Variants in GKAP1 observed in about 807,000 individuals in gnomAD.
GKAP1 encodes the protein G kinase anchoring protein 1, also known as G kinase-anchoring protein 1.
Under a neutral mutation model 56.7 loss-of-function variants are expected in GKAP1, and 31 were observed. The observed-to-expected ratio is 0.55, with a 90% confidence interval of 0.41 to 0.74. GKAP1 has a LOEUF of 0.74. GKAP1 is among the 30% of genes least tolerant of loss of function. The pLI is 0.00. For synonymous variants in GKAP1, 151 were observed against 138.6 expected (o/e 1.09, Z -0.63); for missense variants, 364 against 402.3 (o/e 0.90, Z 0.82).
intron 9 of GKAP1, chr9:83,748,736 C>T: frequency 6.3e-6 from 1 of 157,754 alleles, no homozygotes; most frequent in Non-Finnish European, 1.4e-5. Flanking sequence ...AGTTCTAAAG[C>T]AGTACTGTCT....
chr9:83,793,192 A>G (rs1431332658), intron 4 of GKAP1, among the ~76,000 whole-genome samples: 1 of 152,236 alleles, frequency 6.6e-6, no homozygotes, highest in Non-Finnish European at 1.5e-5. Context: ...AAATCCAAAC[A>G]AAATAAATTC....
chr9:83,787,546 A>C (rs1475284517), intron 5 of GKAP1, among the ~76,000 whole-genome samples: 12 of 152,206 alleles, frequency 7.9e-5, no homozygotes, highest in Admixed American at 7.9e-4. Flanking sequence ...ATTTTGGATA[A>C]AGACACTAAT....
intron 5 of GKAP1, 104 bp downstream of exon 5, chr9:83,788,497 G>T: frequency 1.6e-6 from 1 of 610,664 alleles, no homozygotes; most frequent in South Asian, 2.3e-5. Flanking sequence ...TGAATTTTTG[G>T]ACAAACTTTT....
At chr9:83,789,530 T>C (rs1300944546) in intron 4 of GKAP1, among the ~76,000 whole-genome samples, 1 of 152,188 alleles carries the variant, frequency 6.6e-6, no homozygotes, top group Non-Finnish European at 1.5e-5. Flanking sequence ...AGCATAAATT[T>C]AGTGGGCATC....
intron 8 of GKAP1, among the ~76,000 whole-genome samples, chr9:83,763,763 C>T (rs1943614457): frequency 6.6e-6 from 1 of 152,092 alleles, no homozygotes. Flanking sequence ...CTGTGGAAAA[C>T]ATGTTCTGCT....
chr9:83,741,913 T>TAC, intron 12 of GKAP1, 39 bp downstream of exon 12: 1 of 1,255,050 alleles, frequency 8.0e-7, no homozygotes, highest in South Asian at 1.3e-5. Context: ...CCAAATGTAT[T>TAC]ATTTGTGATA....
intron 8 of GKAP1, among the ~76,000 whole-genome samples, chr9:83,755,459 T>C (rs1943458248): frequency 6.6e-6 from 1 of 152,166 alleles, no homozygotes; most frequent in African/African-American, 2.4e-5. Context: ...TTTCCTTTTA[T>C]CAAAATTATT....
At chr9:83,763,439 T>C (rs1418838455) in intron 8 of GKAP1, among the ~76,000 whole-genome samples, 2 of 152,212 alleles carry the variant, frequency 1.3e-5, no homozygotes, top group Admixed American at 6.5e-5. Flanking sequence ...AATAGTATCA[T>C]TGGATTGTTT....
At chr9:83,815,129 G>A (rs924821528) in intron 2 of GKAP1, among the ~76,000 whole-genome samples, 3 of 152,134 alleles carry the variant, frequency 2.0e-5, no homozygotes, top group Non-Finnish European at 4.4e-5. Context: ...CCAAGACTGC[G>A]CCACCACATT....
intron 8 of GKAP1, among the ~76,000 whole-genome samples, chr9:83,759,211 T>C (rs922577095): frequency 1.3e-5 from 2 of 152,208 alleles, no homozygotes; most frequent in Non-Finnish European, 2.9e-5. Context: ...TTAAAGTATT[T>C]TACTACATGT....
In GKAP1 at chr9:83,799,341, C is replaced by T; in HGVS notation, c.217-13G>A. 6.5e-7 allele frequency: 1 copy of T among 1,541,156 alleles called. No individual in the cohort carries two copies. The highest frequency in any genetic ancestry group is 2.4e-5 in the East Asian group (1 of 42,100). On this transcript the variant is annotated splice_polypyrimidine_tract_variant and intron_variant, in intron 3 of 12. Transcript: ENST00000376371. ...CAAGATTCCTGAGCTATAAAACAAA[C>T]AAAAAATATATTAAATTCAGTTTAC...
At position 83,753,315 on chromosome 9, in the gene GKAP1, C is replaced by G. The variant is rs758782080; in HGVS notation, c.783G>C (p.Glu261Asp). ...GGATTTCAGCATCTTTCCTTTCAAG[C>G]TCTAACTTTAGTCTTTCAATTCTTC... ...KDGRIERLKL[E>D]LERKDAEIQK... Residue 261 changes from glutamate (E) to aspartate (D), a missense_variant, in exon 9 of 13, where the codon GAG (glutamate) becomes GAC (aspartate). Coordinates refer to ENST00000376371, the MANE Select transcript of GKAP1 (RefSeq NM_025211.4). The G allele has an allele frequency of 1.9e-6, 3 of 1,611,452 alleles. No homozygotes were observed. In the South Asian group the frequency reaches 3.3e-5, roughly 18 times the overall value.
chr9:83,775,990 G>A (rs1421125610), intron 7 of GKAP1, among the ~76,000 whole-genome samples: 1 of 151,056 alleles, frequency 6.6e-6, no homozygotes, highest in East Asian at 1.9e-4. Context: ...CTATAACCCC[G>A]AGATTCCCAA....
At chr9:83,804,572 T>TG (rs1349380224) in intron 3 of GKAP1, among the ~76,000 whole-genome samples, 6 of 60,620 alleles carry the variant, frequency 9.9e-5, no homozygotes, top group Admixed American at 1.6e-4. Context: ...GGGAGGGAGG[T>TG]GGGGGGGTCA....
At chr9:83,740,787 T>C (rs1943193129) in intron 12 of GKAP1, among the ~76,000 whole-genome samples, 1 of 152,174 alleles carries the variant, frequency 6.6e-6, no homozygotes, top group Admixed American at 6.5e-5. Flanking sequence ...CAGGGGCATA[T>C]GGAGCTCAGA....
chr9:83,774,520 G>A (rs1031685080), intron 7 of GKAP1, among the ~76,000 whole-genome samples: 1 of 151,264 alleles, frequency 6.6e-6, no homozygotes, highest in Non-Finnish European at 1.5e-5. Flanking sequence ...CTTGAGCCTG[G>A]GAGGCAGAGG....
chr9:83,744,567 CAT>C (rs1283619464), intron 10 of GKAP1, among the ~76,000 whole-genome samples: 3 of 152,200 alleles, frequency 2.0e-5, no homozygotes, highest in Admixed American at 6.5e-5. Flanking sequence ...ACCATTTTAA[CAT>C]GTGTAAAACT....
intron 6 of GKAP1, among the ~76,000 whole-genome samples, chr9:83,781,892 G>A (rs545575672): frequency 3.8e-4 from 56 of 147,118 alleles, no homozygotes; most frequent in African/African-American, 1.3e-3. Flanking sequence ...CGCCCAGGCT[G>A]GAGTGCAGCG....
At chr9:83,809,885 G>T (rs1944484403) in intron 2 of GKAP1, among the ~76,000 whole-genome samples, 1 of 152,220 alleles carries the variant, frequency 6.6e-6, no homozygotes, top group Non-Finnish European at 1.5e-5. Context: ...ATGGCTCACT[G>T]CAGCCTCGAC....
Sources: allele counts gnomAD v4.1 joint callset (sites outside exome capture counted in the v4.1 genomes callset), GRCh38; gene constraint gnomAD v4.1.1; transcripts MANE v1.5; gene names NCBI Gene and HGNC (gene_info 2026-07-23, HGNC 2026-07-21).